The following APBB2 variants were observed in gnomAD, a reference collection of about 807,000 sequenced individuals.
APBB2 encodes Fe65-like 1.
Under a neutral mutation model 82.5 loss-of-function variants are expected in APBB2, and 38 were observed. That is an observed-to-expected ratio of 0.46 (90% CI 0.36 to 0.60). The LOEUF (loss-of-function observed/expected upper bound fraction) is 0.60, where lower values mean the gene tolerates loss of function less well. APBB2 is among the 20% of genes least tolerant of loss of function. APBB2 has a pLI of 0.00. For synonymous variants in APBB2, 341 were observed against 368.2 expected (o/e 0.93, Z 0.85); for missense variants, 772 against 972.3 (o/e 0.79, Z 2.74).
At chr4:40,969,165 C>A (rs1024608194) in intron 6 of APBB2, among the ~76,000 whole-genome samples, 3 of 152,172 alleles carry the variant, frequency 2.0e-5, no homozygotes, top group African/African-American at 7.2e-5. Flanking sequence ...CAGACTAATA[C>A]ATCTCTGTAC....
At chr4:40,918,554 C>T (rs1280534764) in intron 10 of APBB2, among the ~76,000 whole-genome samples, 1 of 152,214 alleles carries the variant, frequency 6.6e-6, no homozygotes, top group Non-Finnish European at 1.5e-5. Context: ...CCATTTTTGG[C>T]AGTCCTTGTC....
intron 12 of APBB2, 166 bp downstream of exon 12, chr4:40,890,198 G>T: frequency 1.1e-6 from 1 of 875,314 alleles, no homozygotes; most frequent in Non-Finnish European, 1.6e-6. Context: ...GCAGTTTGAA[G>T]TCTTTAAGAG....
rs538682911 is a variant in APBB2 at position 40,944,951 on chromosome 4, G to A, written c.958C>T (p.Arg320Trp). 54 of 1,613,902 alleles carry A rather than the reference G, an allele frequency of 3.3e-5. No individual in the cohort carries two copies. Among genetic ancestry groups the A allele is most frequent in the South Asian group, 5.5e-5 (5 of 91,064 alleles). The change falls in exon 7 of 18, where the codon CGG (arginine) becomes TGG (tryptophan). Residue 320 changes from arginine to tryptophan, a missense_variant. By Grantham distance (101) the Arg-to-Trp change is moderately radical. Coordinates refer to ENST00000508593, the MANE Select transcript of APBB2 (RefSeq NM_004307.2). ...HIPTGTTQWE[R>W]PVSIPADLQG... ...AGATCTGCTGGGATGGAGACGGGCC[G>A]TTCCCACTGAGTCGTTCCTGTTGGG...
At chr4:41,110,116 C>T (rs138420661) in intron 2 of APBB2, among the ~76,000 whole-genome samples, 4 of 152,202 alleles carry the variant, frequency 2.6e-5, no homozygotes, top group Non-Finnish European at 5.9e-5. Context: ...TTTACAGCCC[C>T]CATCCCTGCA....
chr4:40,920,513 G>T (rs930539643), intron 10 of APBB2, among the ~76,000 whole-genome samples: 7 of 152,156 alleles, frequency 4.6e-5, no homozygotes, highest in Non-Finnish European at 1.0e-4. Flanking sequence ...TTAAGGAACA[G>T]AACTCCCACC....
At chr4:41,047,182 G>A (rs1302442761) in intron 4 of APBB2, among the ~76,000 whole-genome samples, 1 of 152,170 alleles carries the variant, frequency 6.6e-6, no homozygotes, top group African/African-American at 2.4e-5. Context: ...CTCAGTAGAA[G>A]ATGAAAAAAT....
intron 5 of APBB2, among the ~76,000 whole-genome samples, chr4:41,025,956 A>AG (rs1376300568): frequency 6.6e-6 from 1 of 151,582 alleles, no homozygotes; most frequent in African/African-American, 2.4e-5. Context: ...AAAAAAAAAA[A>AG]AAAAAAAGAA....
intron 12 of APBB2, among the ~76,000 whole-genome samples, chr4:40,846,353 A>AC (rs1757658541): frequency 1.4e-5 from 2 of 145,370 alleles, no homozygotes. Context: ...AAAAAAGTGC[A>AC]CAGACTCACA....
In APBB2 at chr4:40,813,966, GT is replaced by G. The variant is rs1404014966; in HGVS notation, c.*2125del. ...TGTCAATTGGTGAAAAACAGACTGCGTTTCTAAAGTAGCATAGTTTTGTCAT... is the reference window on the plus strand; with the variant it reads ...TGTCAATTGGTGAAAAACAGACTGCGTTCTAAAGTAGCATAGTTTTGTCAT... On this transcript the variant is annotated 3_prime_UTR_variant, in exon 18 of 18. Transcript: ENST00000508593. 1.3e-5 allele frequency: 2 copies of G among 152,178 alleles called. No homozygotes were observed. Among genetic ancestry groups the G allele is most frequent in the Non-Finnish European group, 2.9e-5 (2 of 68,032 alleles). The allele number at this position is 152,178 out of a possible 1,614,324, so 9.4% of individuals were successfully genotyped here.
At chr4:41,174,464 C>G (rs1007939549) in intron 1 of APBB2, among the ~76,000 whole-genome samples, 2 of 152,094 alleles carry the variant, frequency 1.3e-5, no homozygotes, top group Non-Finnish European at 2.9e-5. Context: ...TGTTTGAGCA[C>G]GCTAGCAGCT....
At chr4:41,005,269 T>C (rs1434884085) in intron 6 of APBB2, among the ~76,000 whole-genome samples, 1 of 152,146 alleles carries the variant, frequency 6.6e-6, no homozygotes, top group Non-Finnish European at 1.5e-5. Context: ...TTTGTATTTT[T>C]AGTAGAGACA....
chr4:40,936,573 A>G (rs1785415528), intron 7 of APBB2, among the ~76,000 whole-genome samples: 1 of 152,200 alleles, frequency 6.6e-6, no homozygotes. Flanking sequence ...GCACTTACCA[A>G]ACTCTGCAAG....
intron 3 of APBB2, among the ~76,000 whole-genome samples, chr4:41,095,652 T>C (rs1479548008): frequency 6.6e-6 from 1 of 152,206 alleles, no homozygotes; most frequent in Non-Finnish European, 1.5e-5. Context: ...GCCCCATGAG[T>C]GCACAGCTTG....
Position 40,811,039 on chromosome 4 carries a change from G to C in APBB2, c.*5053C>G, listed in dbSNP as rs1744296177. On this transcript the variant is annotated 3_prime_UTR_variant, in exon 18 of 18. Coordinates refer to ENST00000508593, the MANE Select transcript of APBB2 (RefSeq NM_004307.2). ...GTCTCATTGTTATGGAATAGTTTAG[G>C]ATAATTTTCTGATCTCTACAGTAGC... 6.6e-6 allele frequency: 1 copy of C among 152,126 alleles called. No homozygotes were observed. The highest frequency in any genetic ancestry group is 1.5e-5 in the Non-Finnish European group (1 of 68,024). 9.4% of individuals were successfully genotyped at this position (152,126 alleles called of 1,614,324 possible). A position where few individuals can be genotyped will look rare whatever the true frequency, so the allele number is the denominator to read the frequency against.
chr4:40,959,463 C>T (rs1403148765), intron 6 of APBB2, among the ~76,000 whole-genome samples: 2 of 152,142 alleles, frequency 1.3e-5, no homozygotes, highest in African/African-American at 2.4e-5. Context: ...ACAACAGCAA[C>T]GATCACAAAA....
At chr4:40,956,360 C>G (rs1158837290) in intron 6 of APBB2, among the ~76,000 whole-genome samples, 5 of 152,100 alleles carry the variant, frequency 3.3e-5, no homozygotes, top group African/African-American at 1.2e-4. Flanking sequence ...CCAAAGGAAT[C>G]GGCAGAAACA....
intron 3 of APBB2, among the ~76,000 whole-genome samples, chr4:41,098,422 A>G (rs1744287692): frequency 6.6e-6 from 1 of 152,074 alleles, no homozygotes; most frequent in African/African-American, 2.4e-5. Flanking sequence ...GGCTCAAGCA[A>G]TCATCCCACC....
At chr4:41,048,568 A>C (rs1724282147) in intron 4 of APBB2, among the ~76,000 whole-genome samples, 1 of 152,120 alleles carries the variant, frequency 6.6e-6, no homozygotes, top group South Asian at 2.1e-4. Flanking sequence ...TGGTGAAGCT[A>C]TTTTGTTTTA....
intron 12 of APBB2, chr4:40,842,378 G>A (rs1326641117): frequency 1.1e-5 from 5 of 455,618 alleles, no homozygotes; most frequent in African/African-American, 1.0e-4. Context: ...ACCTCTCTCT[G>A]AATCCGGGAA....
Sources: allele counts gnomAD v4.1 joint callset (sites outside exome capture counted in the v4.1 genomes callset), GRCh38; gene constraint gnomAD v4.1.1; transcripts MANE v1.5; gene names NCBI Gene and HGNC (gene_info 2026-07-23, HGNC 2026-07-21).